CALN1: variants seen among roughly 807,000 people sequenced by gnomAD.
CALN1 encodes the protein calcium-binding protein 8.
CALN1 carries 17 observed loss-of-function variants against 30.6 expected under a neutral mutation model. That is an observed-to-expected ratio of 0.56 (90% confidence interval 0.38 to 0.83). CALN1 has a LOEUF of 0.83. Ranked by LOEUF, CALN1 falls within the 40% of genes least tolerant of loss-of-function variation. The pLI is 0.00. For missense variants in CALN1, 291 were observed against 354.9 expected (o/e 0.82, Z 1.45); for synonymous variants, 156 against 131.4 (o/e 1.19, Z -1.28).
At chr7:72,434,981 C>G (rs1433407553) in intron 1 of CALN1, among the ~76,000 whole-genome samples, 1 of 152,206 alleles carries the variant, frequency 6.6e-6, no homozygotes, top group Non-Finnish European at 1.5e-5. Flanking sequence ...AATCCAAGCA[C>G]TTTGGGAGGC....
chr7:72,089,154 A>G (rs980639026), intron 4 of CALN1, among the ~76,000 whole-genome samples: 3 of 152,180 alleles, frequency 2.0e-5, no homozygotes, highest in African/African-American at 7.2e-5. Flanking sequence ...ACCACCTTAC[A>G]TTAAAATTAA....
chr7:72,338,523 G>T (rs890963255), intron 2 of CALN1, among the ~76,000 whole-genome samples: 8 of 146,200 alleles, frequency 5.5e-5, no homozygotes, highest in African/African-American at 2.1e-4. Flanking sequence ...GTGTGTGTGT[G>T]TGTGTCTCAC....
intron 3 of CALN1, among the ~76,000 whole-genome samples, chr7:72,249,547 A>T (rs1211723728): frequency 6.7e-6 from 1 of 149,528 alleles, no homozygotes; most frequent in Admixed American, 6.7e-5. Flanking sequence ...TCATGCCTGT[A>T]ATCACAGCCT....
chr7:72,350,932 G>T (rs1270397919), intron 2 of CALN1, among the ~76,000 whole-genome samples: 1 of 152,168 alleles, frequency 6.6e-6, no homozygotes, highest in African/African-American at 2.4e-5. Context: ...CCTGAGGTCA[G>T]GAGTTCAAGA....
chr7:71,798,123 C>CAGAGAGAGAGAGAGAGAGAG (rs3973907), intron 6 of CALN1, among the ~76,000 whole-genome samples: 15 of 71,006 alleles, frequency 2.1e-4, no homozygotes, highest in Non-Finnish European at 3.1e-4. Context: ...GAGACAGAGA[C>CAGAGAGAGAGAGAGAGAGAG]AGAGAGAGAG....
chr7:72,071,941 T>C (rs1804424104), intron 4 of CALN1, among the ~76,000 whole-genome samples: 1 of 151,908 alleles, frequency 6.6e-6, no homozygotes, highest in South Asian at 2.1e-4. Flanking sequence ...AAAAGATCAG[T>C]GAACTTGAAG....
intron 2 of CALN1, among the ~76,000 whole-genome samples, chr7:72,315,472 C>T (rs914526779): frequency 2.6e-5 from 4 of 151,948 alleles, no homozygotes; most frequent in Admixed American, 1.3e-4. Context: ...AAACAGAGGC[C>T]GAGGCGGGAA....
At chr7:72,028,079 A>AC (rs1340519084) in intron 4 of CALN1, among the ~76,000 whole-genome samples, 19 of 143,282 alleles carry the variant, frequency 1.3e-4, no homozygotes, top group Admixed American at 8.8e-4. Flanking sequence ...AAAAAAAAAA[A>AC]AAAAAACACA....
In CALN1 at chr7:72,289,642, A is replaced by G. The variant is rs562882215; in HGVS notation, c.120-10832T>C. On this transcript the variant is annotated intron_variant, in intron 2 of 6. Coordinates refer to ENST00000395275, the MANE Select transcript of CALN1 (RefSeq NM_031468.4). ...GCAGTATACCAGCATACCACCATGA[A>G]GTATCTCCACCACACACACACAATA... 9.5e-4 allele frequency among the ~76,000 whole-genome samples: 145 copies of G among 152,322 alleles called. 1 individual carries two copies. Among genetic ancestry groups the G allele is most frequent in the Non-Finnish European group, 1.6e-3 (108 of 68,030 alleles).
chr7:72,459,258 C>T, the CALN1 span, among the ~76,000 whole-genome samples: 905 of 152,150 alleles, frequency 5.9e-3, 10 homozygotes, highest in African/African-American at 0.021. Flanking sequence ...GTAAAATGCG[C>T]GATTTTTCAA....
At chr7:72,490,898 C>G in the CALN1 span, among the ~76,000 whole-genome samples, 1 of 152,132 alleles carries the variant, frequency 6.6e-6, no homozygotes, top group Non-Finnish European at 1.5e-5. Context: ...TGGACTAATA[C>G]AGTGTTGTTG....
chr7:72,431,734 T>TGGTA, intron 1 of CALN1, among the ~76,000 whole-genome samples: 1 of 151,840 alleles, frequency 6.6e-6, no homozygotes, highest in East Asian at 1.9e-4. Flanking sequence ...CCTGGCTACT[T>TGGTA]GGTAGGCTGA....
At chr7:71,864,507 C>T (rs917937550) in intron 5 of CALN1, among the ~76,000 whole-genome samples, 9 of 152,096 alleles carry the variant, frequency 5.9e-5, no homozygotes, top group East Asian at 1.9e-4. Context: ...GAATTCTGAC[C>T]GTGAATTAGA....
intron 2 of CALN1, among the ~76,000 whole-genome samples, chr7:72,314,846 AAAAAAC>A (rs900716785): frequency 3.4e-4 from 51 of 151,510 alleles, no homozygotes; most frequent in Admixed American, 2.6e-4. Context: ...GTTAAAAAAA[AAAAAAC>A]AAAAAAAACT....
At chr7:72,407,765 C>G (rs9769512) in intron 1 of CALN1, among the ~76,000 whole-genome samples, 25,819 of 152,068 alleles carry the variant, frequency 0.17, 3,071 homozygotes, top group East Asian at 0.37. Context: ...TGCACTAATA[C>G]TGACTGAGCT....
At chr7:72,071,263 G>A (rs1200349908) in intron 4 of CALN1, among the ~76,000 whole-genome samples, 1 of 152,134 alleles carries the variant, frequency 6.6e-6, no homozygotes, top group Non-Finnish European at 1.5e-5. Flanking sequence ...CCAAATATAG[G>A]GGTTCCGTGC....
intron 5 of CALN1, among the ~76,000 whole-genome samples, chr7:71,834,202 A>G (rs1194606279): frequency 1.6e-5 from 2 of 128,868 alleles, no homozygotes; most frequent in African/African-American, 5.9e-5. Context: ...CTGGTGACAG[A>G]GCGAGACTCC....
chr7:72,496,512 T>C, the CALN1 span, among the ~76,000 whole-genome samples: 1 of 152,128 alleles, frequency 6.6e-6, no homozygotes, highest in Non-Finnish European at 1.5e-5. Flanking sequence ...AAGTACACAA[T>C]GTGAGATTCA....
chr7:72,264,571 G>A lies in CALN1; in HGVS notation c.244+14115C>T, dbSNP rs910806650. ...TGCAGTGGTGCGATCATAGCTCATT[G>A]CATCCTGGAACCTGGAACTCTTAGG... On this transcript the variant is annotated intron_variant, in intron 3 of 6. Transcript: ENST00000395275. Among the ~76,000 whole-genome samples the A allele has an allele frequency of 1.3e-4, 20 of 150,462 alleles. No individual in the cohort carries two copies. In the East Asian group the frequency reaches 2.6e-3, roughly 19 times the overall value.
Sources: gnomAD v4.1 joint callset for allele counts (sites outside exome capture counted in the v4.1 genomes callset) on GRCh38, gnomAD v4.1.1 for gene constraint, MANE v1.5 for transcripts, NCBI Gene and HGNC (gene_info 2026-07-23, HGNC 2026-07-21) for gene names.